The following CCDC32 variants were observed in gnomAD, a reference collection of about 807,000 sequenced individuals.
CCDC32 encodes coiled-coil domain-containing protein 32.
CCDC32 carries 9 observed loss-of-function variants against 20.1 expected under a neutral mutation model. That is an observed-to-expected ratio of 0.45 (90% CI 0.27 to 0.78). The LOEUF is 0.78. CCDC32 is among the 30% of genes least tolerant of loss of function. CCDC32 has a pLI of 0.16. For missense variants in CCDC32, 204 were observed against 215.5 expected (o/e 0.95, Z 0.33); for synonymous variants, 63 against 79.0 (o/e 0.80, Z 1.07).
chr15:40,542,268 G>A (rs1353621531), intron 3 of CCDC32, among the ~76,000 whole-genome samples: 3 of 152,196 alleles, frequency 2.0e-5, no homozygotes, highest in African/African-American at 7.2e-5. Context: ...ATTGGTCCTA[G>A]TTTGTCCTTT....
chr15:40,561,522 G>A (rs1469902113), intron 2 of CCDC32, among the ~76,000 whole-genome samples: 3 of 151,850 alleles, frequency 2.0e-5, no homozygotes, highest in African/African-American at 7.3e-5. Flanking sequence ...ACACAAAGTG[G>A]TATACTGGAC....
intron 3 of CCDC32, among the ~76,000 whole-genome samples, chr15:40,554,580 A>C (rs936979438): frequency 6.6e-6 from 1 of 152,296 alleles, no homozygotes; most frequent in South Asian, 2.1e-4. Flanking sequence ...GGACTCAATT[A>C]TAGCACTTAC....
downstream of CCDC32, among the ~76,000 whole-genome samples, chr15:40,525,636 C>T (rs1443746595): frequency 6.6e-6 from 1 of 152,248 alleles, no homozygotes; most frequent in Non-Finnish European, 1.5e-5. Flanking sequence ...CTTACCCAGA[C>T]CTCAGCTCCT....
downstream of CCDC32, chr15:40,535,424 T>C (rs1889067981): frequency 2.0e-6 from 2 of 998,450 alleles, no homozygotes; most frequent in Non-Finnish European, 2.4e-6. Flanking sequence ...AAAAAGTGCT[T>C]TCATGAGCAT....
In CCDC32 at chr15:40,540,365, TTTTTC is replaced by T. The variant is rs565333983; in HGVS notation, c.402-1015_402-1011del. ...TCTTCTTAGCATTTTTTTCTTTTTC[TTTTTC>T]TTTTTTTTTTTTTTTGAGGTGGCGT... On this transcript the variant is annotated intron_variant, in intron 3 of 3. Transcript: ENST00000558113. Among the ~76,000 whole-genome samples the T allele has an allele frequency of 2.7e-3, 397 of 147,656 alleles. 1 individual carries two copies. Among genetic ancestry groups the T allele is most frequent in the African/African-American group, 8.2e-3 (330 of 40,284 alleles).
downstream of CCDC32, among the ~76,000 whole-genome samples, chr15:40,533,053 T>C (rs1033245769): frequency 6.6e-6 from 1 of 152,068 alleles, no homozygotes; most frequent in African/African-American, 2.4e-5. Flanking sequence ...TTGGTGGACA[T>C]GTAAGAGGAA....
At chr15:40,535,534 C>G (rs1302010702), downstream of CCDC32, 1 of 985,860 alleles carries the variant, frequency 1.0e-6, no homozygotes, top group African/African-American at 1.7e-5. Context: ...AGGGCCCGCC[C>G]CTTCTCTCCT....
At chr15:40,532,437 G>A, downstream of CCDC32, 1 of 588,262 alleles carries the variant, frequency 1.7e-6, no homozygotes, top group South Asian at 2.1e-5. Flanking sequence ...ACACTTATCA[G>A]GTAGTATGAA....
At chr15:40,561,734 G>A (rs1890650325) in intron 2 of CCDC32, among the ~76,000 whole-genome samples, 1 of 151,602 alleles carries the variant, frequency 6.6e-6, no homozygotes, top group Non-Finnish European at 1.5e-5. Context: ...GGTGGCACAC[G>A]CCTGTAATCC....
At chr15:40,550,147 T>C (rs1011998538), downstream of CCDC32, among the ~76,000 whole-genome samples, 1 of 152,216 alleles carries the variant, frequency 6.6e-6, no homozygotes, top group Non-Finnish European at 1.5e-5. Context: ...GTTATCTGCC[T>C]GGCTGCAGCC....
At chr15:40,538,968 G>T (rs1249205124), downstream of CCDC32, 2 of 484,654 alleles carry the variant, frequency 4.1e-6, no homozygotes, top group Admixed American at 3.3e-5. Context: ...GCTCACCGCA[G>T]GAGCCTGCTG....
intron 1 of CCDC32, 186 bp downstream of exon 1, chr15:40,564,790 C>T (rs3803354): frequency 0.92 from 1,489,379 of 1,614,000 alleles, 688,494 homozygotes; most frequent in Non-Finnish European, 0.94. Context: ...TGGCCCCTTA[C>T]CCCAGGGCAG....
At chr15:40,544,921 A>G (rs1379208209) in intron 3 of CCDC32, among the ~76,000 whole-genome samples, 2 of 152,230 alleles carry the variant, frequency 1.3e-5, no homozygotes, top group East Asian at 3.8e-4. Flanking sequence ...TCTAGTCTAT[A>G]GAAAAATTTT....
rs750382924 is a variant in CCDC32, at chr15:40,553,942, GT to G, written c.*28del. ...TGTGTGTGTGTGTGTGTGTGTGTGT[GT>G]GTGTGTGTGTGTGTGTGTGTGTGTA... is the stretch of plus-strand genomic sequence containing the variant. On this transcript the variant is annotated 3_prime_UTR_variant, in exon 4 of 4. Coordinates refer to ENST00000416810, the MANE Select transcript of CCDC32 (RefSeq NM_001080792.4). The G allele has an allele frequency of 6.4e-6, 4 of 623,606 alleles. No individual in the cohort carries two copies. Among genetic ancestry groups the G allele is most frequent in the Non-Finnish European group, 1.0e-5 (4 of 385,130 alleles). The allele number at this position is 623,606 out of a possible 1,614,324, so 38.6% of individuals were successfully genotyped here. A position where few individuals can be genotyped will look rare whatever the true frequency, so the allele number is the denominator to read the frequency against.
Position 40,564,070 on chromosome 15 carries a change from T to C in CCDC32, c.-13+906A>G, listed in dbSNP as rs1890856569. Among the ~76,000 whole-genome samples, 3 of 152,168 alleles carry C rather than the reference T, an allele frequency of 2.0e-5. No individual in the cohort carries two copies. In the South Asian group the frequency reaches 6.2e-4, roughly 31 times the overall value. On this transcript the variant is annotated intron_variant, in intron 1 of 3. Coordinates refer to ENST00000416810, the MANE Select transcript of CCDC32 (RefSeq NM_001080792.4). The stretch of plus-strand genomic sequence containing the variant: ...CTCCTGATCTTGTGATCCGCCCGCC[T>C]CGGCCTCCCAAAGTGCTGGGATTAC...
At chr15:40,536,059 C>T (rs1270775476), downstream of CCDC32, 1 of 152,316 alleles carries the variant, frequency 6.6e-6, no homozygotes, top group Non-Finnish European at 1.5e-5. Context: ...TTCAGCCCTT[C>T]CCCAGTCTCA....
At chr15:40,551,230 A>C (rs908868312), downstream of CCDC32, among the ~76,000 whole-genome samples, 2 of 152,032 alleles carry the variant, frequency 1.3e-5, no homozygotes, top group Non-Finnish European at 2.9e-5. Context: ...AAAATACAAA[A>C]AATTAGCCGG....
chr15:40,539,840 C>CGCCACA (rs1555413863), intron 3 of CCDC32, among the ~76,000 whole-genome samples: 3 of 134,632 alleles, frequency 2.2e-5, no homozygotes, highest in African/African-American at 8.3e-5. Context: ...CAAACTGTTG[C>CGCCACA]CACACACACA....
downstream of CCDC32, among the ~76,000 whole-genome samples, chr15:40,530,074 C>G (rs1282223025): frequency 4.0e-5 from 6 of 150,918 alleles, no homozygotes; most frequent in Non-Finnish European, 7.4e-5. Flanking sequence ...GGTGGATCAC[C>G]TGAGGTCAGG....
Sources: allele counts gnomAD v4.1 joint callset (sites outside exome capture counted in the v4.1 genomes callset), GRCh38; gene constraint gnomAD v4.1.1; transcripts MANE v1.5; gene names NCBI Gene and HGNC (gene_info 2026-07-23, HGNC 2026-07-21).